Variants in NCOR2 observed in about 807,000 individuals in gnomAD.
The protein encoded by NCOR2 is nuclear receptor corepressor 2, also known as CTG repeat protein 26.
Under a neutral mutation model 262.9 loss-of-function variants are expected in NCOR2, and 81 were observed. That is an observed-to-expected ratio of 0.31 (90% CI 0.26 to 0.37). The LOEUF (loss-of-function observed/expected upper bound fraction) is 0.37, where lower values mean the gene tolerates loss of function less well. Among genes scored for constraint, NCOR2 ranks in the 10% least tolerant of loss-of-function variants. The pLI is 1.00. For missense variants in NCOR2, 3,385 were observed against 3,621.4 expected, an observed-to-expected ratio of 0.93 and a Z score of 1.68; for synonymous variants, 1,659 against 1,559.3, an observed-to-expected ratio of 1.06 and a Z score of -1.51.
upstream of NCOR2, among the ~76,000 whole-genome samples, chr12:124,496,007 C>A (rs1044498101): frequency 6.6e-6 from 1 of 152,064 alleles, no homozygotes; most frequent in Admixed American, 6.5e-5. This position sits in a 1 kb window ranked among gnomAD's most constrained non-coding sequence, Gnocchi z 4.4. Context: ...GACAGCCAGT[C>A]GGGCCCTGCA....
intron 30 of NCOR2, 42 bp from the exon 33 acceptor site, chr12:124,346,892 C>G (rs1162591462): frequency 3.4e-6 from 5 of 1,465,328 alleles, no homozygotes; most frequent in Non-Finnish European, 4.5e-6. Context: ...CCGCCCCACC[C>G]AGACCCATCA....
chr12:124,327,075 C>A (rs1348149239), intron 45 of NCOR2, among the ~76,000 whole-genome samples: 4 of 152,278 alleles, frequency 2.6e-5, no homozygotes, highest in African/African-American at 9.6e-5. Flanking sequence ...TGCTCTCCCC[C>A]AAGGAGACAG....
At chr12:124,333,999 T>TGCGG (rs2035625196) in intron 41 of NCOR2, among the ~76,000 whole-genome samples, 7 of 151,014 alleles carry the variant, frequency 4.6e-5, no homozygotes, top group South Asian at 2.1e-4. Flanking sequence ...CATGTGTGTG[T>TGCGG]GTGCGCATGT....
intron 21 of NCOR2, among the ~76,000 whole-genome samples, chr12:124,363,445 G>A (rs1475317593): frequency 6.6e-6 from 1 of 152,228 alleles, no homozygotes; most frequent in African/African-American, 2.4e-5. Flanking sequence ...GCTGCGGGGT[G>A]GAAGGGGGGA....
chr12:124,333,716 C>T (rs898282607), intron 41 of NCOR2, among the ~76,000 whole-genome samples: 2 of 151,890 alleles, frequency 1.3e-5, no homozygotes, highest in South Asian at 4.1e-4. Context: ...GCCCTCCCCT[C>T]TCTTTCTCTT....
At chr12:124,439,312 G>A (rs2044660416) in intron 7 of NCOR2, among the ~76,000 whole-genome samples, 2 of 148,792 alleles carry the variant, frequency 1.3e-5, no homozygotes, top group African/African-American at 5.0e-5. Context: ...GAGAGACAGA[G>A]ACCCAGAGAC....
At chr12:124,332,407 C>G in exon 43 of NCOR2, 1 of 1,614,236 alleles carries the variant, frequency 6.2e-7, no homozygotes, top group Non-Finnish European at 8.5e-7. Context: ...TGCTCTCGGT[C>G]AGCTTGCTGA....
chr12:124,562,389 C>T (rs774378835), intron 1 of NCOR2: 3 of 152,188 alleles, frequency 2.0e-5, no homozygotes, highest in Non-Finnish European at 4.4e-5. Context: ...AATCAAGAAA[C>T]CAAGGCCAGA....
chr12:124,533,754 C>T lies in NCOR2; in HGVS notation c.-118+1811G>A, dbSNP rs559240671. Among the ~76,000 whole-genome samples, 1,380 of 152,228 alleles carry T rather than the reference C, an allele frequency of 9.1e-3. 24 individuals carry two copies. Among genetic ancestry groups the T allele is most frequent in the African/African-American group, 0.031 (1,281 of 41,532 alleles). Reference sequence around the variant, plus strand: ...TCTGAGAAACGCACGGGAGCTGGTGCTGTGGCTGTGGGAGCACGATGGGGG... The same window carrying T: ...TCTGAGAAACGCACGGGAGCTGGTGTTGTGGCTGTGGGAGCACGATGGGGG... On this transcript the variant is annotated intron_variant, in intron 1 of 46. Coordinates refer to the NCOR2 transcript ENST00000404621.
chr12:124,390,679 GC>G (rs2136144583), intron 16 of NCOR2, among the ~76,000 whole-genome samples: 1 of 152,346 alleles, frequency 6.6e-6, no homozygotes, highest in East Asian at 1.9e-4. Flanking sequence ...TCTGCAGGGG[GC>G]CCCGAACCCT....
chr12:124,383,171 A>G (rs1247828883), intron 17 of NCOR2, among the ~76,000 whole-genome samples: 1 of 152,308 alleles, frequency 6.6e-6, no homozygotes, highest in South Asian at 2.1e-4. Context: ...GTGTATTCCC[A>G]TAACAGCCCT....
intron 1 of NCOR2, among the ~76,000 whole-genome samples, chr12:124,511,193 C>T (rs1358481901): frequency 1.3e-5 from 2 of 152,120 alleles, no homozygotes; most frequent in East Asian, 3.9e-4. Flanking sequence ...GTACCACCTA[C>T]ACCAGGCCAG....
intron 1 of NCOR2, among the ~76,000 whole-genome samples, chr12:124,525,895 A>G (rs2137118411): frequency 6.6e-6 from 1 of 152,276 alleles, no homozygotes; most frequent in Middle Eastern, 3.4e-3. Flanking sequence ...TCATAATAGC[A>G]CCTACTTTCT....
intron 1 of NCOR2, among the ~76,000 whole-genome samples, chr12:124,557,484 A>AT (rs1307501491): frequency 6.6e-6 from 1 of 152,032 alleles, no homozygotes; most frequent in Non-Finnish European, 1.5e-5. Context: ...TTGTCCTCTT[A>AT]TAAGGACACG....
At chr12:124,497,312 T>G (rs1006161166), upstream of NCOR2, among the ~76,000 whole-genome samples, 2 of 152,110 alleles carry the variant, frequency 1.3e-5, no homozygotes, top group Non-Finnish European at 2.9e-5. The surrounding 1 kb of genome is among the most constrained non-coding windows in gnomAD (Gnocchi z 4.2). Context: ...CGAGACAGGA[T>G]GTATGGCGCA....
chr12:124,336,803 T>C lies in NCOR2; in HGVS notation c.6065A>G (p.Lys2022Arg), dbSNP rs747010756. The stretch of plus-strand genomic sequence containing the variant: ...GATGGAAAAGGGTTTACTTTGAGTC[T>C]TTTCCCGGTGCGGGTCCGAGGCCGA... Residue 2022 changes from lysine (K) to arginine (R), a missense_variant, in exon 38 of 47, where the codon AAG becomes AGG. Around this residue, in one of 5 missense-constraint regions of NCOR2, gnomAD observed 1,017 missense variants for 967.2 expected, o/e 1.05. Coordinates refer to ENST00000405201, the Ensembl canonical transcript of NCOR2. The C allele has an allele frequency of 1.2e-5, 19 of 1,613,018 alleles. No individual in the cohort carries two copies. The South Asian group carries it at 2.1e-4, about 18-fold the overall frequency.
chr12:124,466,789 C>T (rs887434706), intron 4 of NCOR2, among the ~76,000 whole-genome samples: 1 of 152,052 alleles, frequency 6.6e-6, no homozygotes, highest in African/African-American at 2.4e-5. Flanking sequence ...CTACTTACTG[C>T]GTAGCCTTGA....
chr12:124,347,957 G>A (rs1269763962), intron 29 of NCOR2, 46 bp from the exon 32 acceptor site: 38 of 1,534,212 alleles, frequency 2.5e-5, no homozygotes, highest in Middle Eastern at 3.3e-4. Flanking sequence ...TCCCTGAGCC[G>A]ACACTGGGCA....
chr12:124,391,164 C>G (rs2041280609), intron 16 of NCOR2, among the ~76,000 whole-genome samples: 1 of 152,242 alleles, frequency 6.6e-6, no homozygotes, highest in Admixed American at 6.5e-5. Context: ...TGCAAACCTG[C>G]ATCCACAGCT....
Sources: allele counts gnomAD v4.1 joint callset (sites outside exome capture counted in the v4.1 genomes callset), GRCh38; gene constraint gnomAD v4.1.1; regional missense constraint gnomAD v4.1.1; non-coding constraint Gnocchi (gnomAD v3.1); transcripts MANE v1.5; gene names NCBI Gene and HGNC (gene_info 2026-07-23, HGNC 2026-07-21).